ERC2: variants seen among roughly 807,000 people sequenced by gnomAD.
ERC2 encodes the protein ELKS/RAB6-interacting/CAST family member 2, also known as ERC protein 2.
A neutral mutation model predicts 114.8 loss-of-function variants in ERC2; 42 were observed. The ratio of observed to expected loss-of-function variants is 0.37; its 90% CI spans 0.29 to 0.47. The LOEUF is 0.47. Among genes scored for constraint, ERC2 ranks in the 20% least tolerant of loss-of-function variants. The pLI is 0.99. For synonymous variants in ERC2, 454 were observed against 425.5 expected, an observed-to-expected ratio of 1.07 and a Z score of -0.82; for missense variants, 939 against 1,150.7, an observed-to-expected ratio of 0.82 and a Z score of 2.66.
rs187521435 is a variant in ERC2, at chr3:55,551,674, C to T, written c.*40-40398G>A. On this transcript the variant is annotated intron_variant, in intron 17 of 17. Transcript: ENST00000288221. ...AGGCAGTCCACTGGCAGGGTTCCTC[C>T]CTAGTCTCTGTTCAATGAAGGCCTC... is the stretch of plus-strand genomic sequence containing the variant. 1.8e-3 allele frequency among the ~76,000 whole-genome samples: 274 copies of T among 152,280 alleles called. 1 individual carries two copies. Among genetic ancestry groups the T allele is most frequent in the African/African-American group, 6.3e-3 (263 of 41,554 alleles).
chr3:56,343,436 TAGG>T (rs1203296219), intron 2 of ERC2, among the ~76,000 whole-genome samples: 8 of 151,364 alleles, frequency 5.3e-5, no homozygotes, highest in Non-Finnish European at 7.4e-5. Context: ...GAGGCAAAAG[TAGG>T]AGGATTGCTT....
intron 12 of ERC2, among the ~76,000 whole-genome samples, chr3:55,955,679 G>C (rs9311591): frequency 6.6e-6 from 1 of 152,100 alleles, no homozygotes; most frequent in Admixed American, 6.5e-5. Context: ...CTTTTACTGT[G>C]AAGAATAAAG....
chr3:55,762,326 T>C (rs1312012313), intron 14 of ERC2, among the ~76,000 whole-genome samples: 2 of 152,190 alleles, frequency 1.3e-5, no homozygotes, highest in Non-Finnish European at 2.9e-5. Context: ...TTTTCACCAC[T>C]GCCTGGCCAC....
At chr3:56,222,911 C>G (rs2050010005) in intron 3 of ERC2, among the ~76,000 whole-genome samples, 1 of 152,222 alleles carries the variant, frequency 6.6e-6, no homozygotes, top group Non-Finnish European at 1.5e-5. Context: ...ATGCCTGTAT[C>G]TTTCCTCCAT....
chr3:56,414,690 G>A lies in ERC2; in HGVS notation c.657+19661C>T, dbSNP rs573230094. 1.0e-3 allele frequency among the ~76,000 whole-genome samples: 152 copies of A among 148,730 alleles called. 2 individuals are homozygous for A. The highest frequency in any genetic ancestry group is 2.0e-3 in the Non-Finnish European group (135 of 67,410). On this transcript the variant is annotated intron_variant, in intron 2 of 17. Coordinates refer to ENST00000288221, the MANE Select transcript of ERC2 (RefSeq NM_015576.3). The stretch of plus-strand genomic sequence containing the variant: ...CAGTGAGCTGAGATCATGCCACTAC[G>A]CTCCACCCAGGGCGACAGAGCGAGA...
At position 55,832,883 on chromosome 3, in the gene ERC2, C is replaced by A. The variant is rs570935290; in HGVS notation, c.2564+55506G>T. ...GAAAACAATTTAGACGAATGTATAA[C>A]TAGAATAACCAATACAGAGAAGTGC... On this transcript the variant is annotated intron_variant, in intron 14 of 17. Transcript: ENST00000288221. Among the ~76,000 whole-genome samples the A allele has an allele frequency of 3.3e-5, 5 of 152,176 alleles. No homozygotes were observed. In the South Asian group the frequency reaches 1.0e-3, roughly 32 times the overall value.
intron 3 of ERC2, among the ~76,000 whole-genome samples, chr3:56,285,009 T>A (rs867835313): frequency 2.3e-5 from 3 of 128,496 alleles, no homozygotes; most frequent in Admixed American, 8.6e-5. Flanking sequence ...TCTCTCTCTC[T>A]CTCACACACA....
rs577485212 is a variant in ERC2, at chr3:55,520,221, G to C, written c.*40-8945C>G. ...TAATCCTAGCACTTTGGGAGGGCAA[G>C]GGGGACAGATGGCCTGAGAGCCTGG... On this transcript the variant is annotated intron_variant, in intron 17 of 17. Coordinates refer to ENST00000288221, the MANE Select transcript of ERC2 (RefSeq NM_015576.3). 4.6e-5 allele frequency among the ~76,000 whole-genome samples: 7 copies of C among 152,084 alleles called. No homozygotes were observed. The East Asian group carries it at 1.4e-3, about 29-fold the overall frequency.
intron 7 of ERC2, among the ~76,000 whole-genome samples, chr3:56,032,925 A>AAGAGAGAGAGAGAC (rs2074488839): frequency 2.3e-5 from 2 of 85,944 alleles, no homozygotes; most frequent in Admixed American, 1.5e-4. Flanking sequence ...GAAAGAAAGA[A>AAGAGAGAGAGAGAC]AGAAAGAAAG....
chr3:55,851,527 C>A (rs2149242434), intron 14 of ERC2, among the ~76,000 whole-genome samples: 1 of 152,252 alleles, frequency 6.6e-6, no homozygotes, highest in Admixed American at 6.5e-5. Flanking sequence ...TGAAGATCAC[C>A]AGGGCTTTAT....
At chr3:56,239,117 T>C (rs2051151914) in intron 3 of ERC2, among the ~76,000 whole-genome samples, 2 of 152,204 alleles carry the variant, frequency 1.3e-5, no homozygotes, top group Admixed American at 6.5e-5. Context: ...AACTGGCAAT[T>C]AATCCTTAAC....
Position 56,352,201 on chromosome 3 carries a change from A to G in ERC2, c.658-55766T>C, listed in dbSNP as rs2058580069. On this transcript the variant is annotated intron_variant, in intron 2 of 17. Transcript: ENST00000288221. ...AATGTAGATAACAGCGTGGAAAGAT[A>G]TTTAGACTGGAGGCAGGTCAAGAGA... is the stretch of plus-strand genomic sequence containing the variant. Among the ~76,000 whole-genome samples the G allele has an allele frequency of 2.6e-5, 4 of 152,256 alleles. No individual in the cohort carries two copies. The South Asian group carries it at 8.3e-4, about 31-fold the overall frequency.
intron 17 of ERC2, among the ~76,000 whole-genome samples, chr3:55,666,451 C>G (rs34053949): frequency 0.56 from 85,522 of 152,064 alleles, 25,838 homozygotes; most frequent in Non-Finnish European, 0.65. Flanking sequence ...TCAAAGGTAA[C>G]TTTCAGACTG....
rs1384856677 is a variant in ERC2 at position 56,405,877 on chromosome 3, ACTTTTTTTT to A, written c.657+28465_657+28473del. On this transcript the variant is annotated intron_variant, in intron 2 of 17. Transcript: ENST00000288221. ...AGAGGAACTGGGTCAAAGGATATGA[ACTTTTTTTT>A]CTTTTTTTTTTTTTTTTTTTTTTTG... is the stretch of plus-strand genomic sequence containing the variant. Among the ~76,000 whole-genome samples the A allele has an allele frequency of 2.1e-3, 298 of 143,730 alleles. 1 individual carries two copies. Among genetic ancestry groups the A allele is most frequent in the African/African-American group, 7.5e-3 (288 of 38,364 alleles). The allele number at this position is 143,730 out of a possible 152,430, so 94.3% of individuals were successfully genotyped here. A position where few individuals can be genotyped will look rare whatever the true frequency, so the allele number is the denominator to read the frequency against.
At chr3:55,759,980 G>A (rs1188601871) in intron 14 of ERC2, among the ~76,000 whole-genome samples, 1 of 152,098 alleles carries the variant, frequency 6.6e-6, no homozygotes, top group Non-Finnish European at 1.5e-5. Context: ...TTGCTATTGG[G>A]CTTAACCTTT....
intron 8 of ERC2, among the ~76,000 whole-genome samples, chr3:56,018,427 G>A (rs937707217): frequency 1.3e-5 from 2 of 152,168 alleles, no homozygotes; most frequent in Non-Finnish European, 2.9e-5. Context: ...AATAGCATCT[G>A]AGGCAGGAAG....
chr3:56,447,784 C>G (rs9858744), intron 1 of ERC2, among the ~76,000 whole-genome samples: 1 of 151,554 alleles, frequency 6.6e-6, no homozygotes, highest in Non-Finnish European at 1.5e-5. Context: ...GCTCTGCCAC[C>G]CAGGCTGGAG....
rs534668670 is a variant in ERC2, at chr3:56,103,743, G to C, written c.1474-22759C>G. 3.9e-3 allele frequency among the ~76,000 whole-genome samples: 583 copies of C among 149,174 alleles called. 10 individuals carry two copies. Among genetic ancestry groups the C allele is most frequent in the African/African-American group, 0.014 (557 of 40,466 alleles). On this transcript the variant is annotated intron_variant, in intron 6 of 17. Transcript: ENST00000288221. ...ATAATTTAACAAAAAAACTAGAAGT[G>C]TATCTATCTATCTATCTATCTATCT...
rs551578159 is a variant in ERC2 at position 55,543,890 on chromosome 3, T to C, written c.*40-32614A>G. Among the ~76,000 whole-genome samples, 11 of 152,198 alleles carry C rather than the reference T, an allele frequency of 7.2e-5. No homozygotes were observed. In the South Asian group the frequency reaches 2.3e-3, roughly 32 times the overall value. ...GCCTTACCTCTCACCACTAATCAAC[T>C]CCACCTCCCCACGATCCTCAATTCA... On this transcript the variant is annotated intron_variant, in intron 17 of 17. Transcript: ENST00000288221.
Sources: gnomAD v4.1 joint callset for allele counts (sites outside exome capture counted in the v4.1 genomes callset) on GRCh38, gnomAD v4.1.1 for gene constraint, MANE v1.5 for transcripts, NCBI Gene and HGNC (gene_info 2026-07-23, HGNC 2026-07-21) for gene names.